CDA: variants seen among roughly 807,000 people sequenced by gnomAD.
CDA encodes the protein cytidine deaminase.
CDA carries 7 observed loss-of-function variants against 15.0 expected under a neutral mutation model. That is an observed-to-expected ratio of 0.47 (90% CI 0.26 to 0.87). CDA has a LOEUF of 0.87. CDA is among the 40% of genes least tolerant of loss of function. The pLI is 0.15. For synonymous variants in CDA, 58 were observed against 73.0 expected (o/e 0.79, Z 1.05); for missense variants, 159 against 182.7 (o/e 0.87, Z 0.75).
intron 2 of CDA, among the ~76,000 whole-genome samples, chr1:20,613,277 C>T (rs12737656): frequency 0.24 from 36,880 of 151,254 alleles, 4,805 homozygotes; most frequent in African/African-American, 0.32. Context: ...GGTCTTGGCT[C>T]ACTGCAACCT....
chr1:20,604,627 C>T (rs2052676562), intron 1 of CDA, among the ~76,000 whole-genome samples: 1 of 152,178 alleles, frequency 6.6e-6, no homozygotes, highest in Non-Finnish European at 1.5e-5. Flanking sequence ...GCCTTGACCT[C>T]TGCAGGGGTG....
chr1:20,592,685 G>A (rs926518988), intron 1 of CDA, among the ~76,000 whole-genome samples: 1 of 152,200 alleles, frequency 6.6e-6, no homozygotes, highest in Non-Finnish European at 1.5e-5. Context: ...TGTAAGGTTT[G>A]TTGAACACAT....
At chr1:20,608,558 G>A (rs565286532) in intron 2 of CDA, among the ~76,000 whole-genome samples, 2 of 152,098 alleles carry the variant, frequency 1.3e-5, no homozygotes, top group African/African-American at 2.4e-5. Flanking sequence ...TACAGGTGCC[G>A]GCCAGCACGC....
intron 2 of CDA, among the ~76,000 whole-genome samples, chr1:20,612,655 T>A (rs549350185): frequency 1.3e-5 from 2 of 152,258 alleles, no homozygotes; most frequent in East Asian, 3.9e-4. Context: ...AAAAGCTTTA[T>A]TACTCACACA....
chr1:20,614,050 C>T (rs1199346545), intron 3 of CDA, 151 bp downstream of exon 3: 1 of 690,982 alleles, frequency 1.4e-6, no homozygotes, highest in Non-Finnish European at 2.6e-6. Context: ...TAAGGCCTCC[C>T]TACGCTTGCA....
chr1:20,593,781 C>T (rs1245902896), intron 1 of CDA, among the ~76,000 whole-genome samples: 3 of 152,136 alleles, frequency 2.0e-5, no homozygotes. Context: ...TGCTACGTTG[C>T]CCAGGTTGGT....
chr1:20,591,361 AAAC>A (rs1322510332), intron 1 of CDA, among the ~76,000 whole-genome samples: 1 of 152,076 alleles, frequency 6.6e-6, no homozygotes, highest in East Asian at 1.9e-4. Flanking sequence ...AAACAAAAAA[AAAC>A]AAACCCACAA....
chr1:20,618,258 C>CTTTTTTTTTTTTTTTTTG, intron 3 of CDA, among the ~76,000 whole-genome samples, 194 bp from the exon 4 acceptor site: 1 of 145,052 alleles, frequency 6.9e-6, no homozygotes, highest in East Asian at 2.0e-4. Flanking sequence ...TGTTCAGTTT[C>CTTTTTTTTTTTTTTTTTG]ACAGCATTCT....
chr1:20,609,138 A>C, intron 2 of CDA, among the ~76,000 whole-genome samples: 1 of 152,180 alleles, frequency 6.6e-6, no homozygotes, highest in Admixed American at 6.5e-5. Flanking sequence ...CCTGATGCAG[A>C]TCACCTTGTC....
chr1:20,613,677 A>G (rs72553954), intron 2 of CDA, among the ~76,000 whole-genome samples, 165 bp from the exon 3 acceptor site: 1 of 152,180 alleles, frequency 6.6e-6, no homozygotes, highest in African/African-American at 2.4e-5. Context: ...GAAAGCCACC[A>G]CGTGGCCTTC....
intron 1 of CDA, among the ~76,000 whole-genome samples, chr1:20,599,192 G>A (rs2052617094): frequency 6.6e-6 from 1 of 152,186 alleles, no homozygotes; most frequent in South Asian, 2.1e-4. Flanking sequence ...CCTGTGGCAG[G>A]AGCATACTGG....
At chr1:20,600,765 A>G (rs1043887699) in intron 1 of CDA, among the ~76,000 whole-genome samples, 5 of 151,584 alleles carry the variant, frequency 3.3e-5, no homozygotes, top group Non-Finnish European at 5.9e-5. Context: ...AAAAAAAAAA[A>G]AAAAGAAAAG....
intron 1 of CDA, among the ~76,000 whole-genome samples, chr1:20,597,012 T>G (rs1278324180): frequency 6.6e-6 from 1 of 152,140 alleles, no homozygotes; most frequent in Non-Finnish European, 1.5e-5. Flanking sequence ...TGCACCCACC[T>G]CAGCCTCTAA....
chr1:20,597,916 G>T (rs1404985883), intron 1 of CDA, among the ~76,000 whole-genome samples: 1 of 142,818 alleles, frequency 7.0e-6, no homozygotes, highest in African/African-American at 2.6e-5. Context: ...TTTTGAGCTA[G>T]AAAATTCAAG....
intron 2 of CDA, among the ~76,000 whole-genome samples, 184 bp from the exon 3 acceptor site, chr1:20,613,658 G>A (rs575720924): frequency 6.6e-6 from 1 of 152,242 alleles, no homozygotes; most frequent in South Asian, 2.1e-4. Flanking sequence ...CCTGCCTTGT[G>A]GCAGTGTGGA....
chr1:20,593,647 T>G (rs886281506), intron 1 of CDA, among the ~76,000 whole-genome samples: 2 of 152,228 alleles, frequency 1.3e-5, no homozygotes, highest in African/African-American at 4.8e-5. Context: ...CGAGCCTAGT[T>G]CACTGCAGTC....
At chr1:20,594,788 C>CAAA (rs60698295) in intron 1 of CDA, among the ~76,000 whole-genome samples, 10,667 of 121,350 alleles carry the variant, frequency 0.088, 574 homozygotes, top group Middle Eastern at 0.14. Context: ...GACGCCATCT[C>CAAA]AAAAAAAAAA....
chr1:20,617,001 T>C (rs1219354357), intron 3 of CDA, among the ~76,000 whole-genome samples: 3 of 152,188 alleles, frequency 2.0e-5, no homozygotes, highest in Non-Finnish European at 4.4e-5. Flanking sequence ...ACTATGTGCA[T>C]AGAGATGCTT....
chr1:20,612,578 T>C (rs908375437), intron 2 of CDA, among the ~76,000 whole-genome samples: 1 of 152,012 alleles, frequency 6.6e-6, no homozygotes, highest in South Asian at 2.1e-4. Context: ...CCTATAAAAC[T>C]GCCCCACCCT....
Sources: allele counts gnomAD v4.1 joint callset (sites outside exome capture counted in the v4.1 genomes callset), GRCh38; gene constraint gnomAD v4.1.1; transcripts MANE v1.5; gene names NCBI Gene and HGNC (gene_info 2026-07-23, HGNC 2026-07-21).